GPHN: variants seen among roughly 807,000 people sequenced by gnomAD.
The protein encoded by GPHN is gephyrin.
Under a neutral mutation model 95.5 loss-of-function variants are expected in GPHN, and 17 were observed. The ratio of observed to expected loss-of-function variants is 0.18; its 90% CI spans 0.12 to 0.27. The LOEUF (loss-of-function observed/expected upper bound fraction) is 0.27. Among genes scored for constraint, GPHN ranks in the 10% least tolerant of loss-of-function variants. The pLI is 1.00. For synonymous variants in GPHN, 320 were observed against 322.5 expected, an observed-to-expected ratio of 0.99 and a Z score of 0.08; for missense variants, 660 against 978.1, an observed-to-expected ratio of 0.67 and a Z score of 4.34.
intron 2 of GPHN, among the ~76,000 whole-genome samples, chr14:66,740,173 T>C (rs1479833301): frequency 2.0e-5 from 3 of 152,138 alleles, no homozygotes; most frequent in African/African-American, 7.2e-5. Flanking sequence ...GTCTAAAATA[T>C]AATCAAATAT....
rs369131921 is a variant in GPHN, at chr14:67,112,211, A to G, written c.1472+292A>G. On this transcript the variant is annotated intron_variant, in intron 15 of 22. Transcript: ENST00000478722. ...CTTCTAGATAATCCAGAATTACCCA[A>G]TCCCATCCCTAAATAATCTGGAATT... Among the ~76,000 whole-genome samples the G allele has an allele frequency of 6.6e-4, 101 of 152,314 alleles. 1 individual carries two copies. The highest frequency in any genetic ancestry group is 6.6e-3 in the East Asian group (34 of 5,178).
the GPHN span, among the ~76,000 whole-genome samples, chr14:67,452,350 G>C: frequency 2.0e-5 from 3 of 150,898 alleles, no homozygotes; most frequent in Non-Finnish European, 4.4e-5. Context: ...AAAGAAATGA[G>C]AGTTTCTCTG....
At chr14:67,168,513 A>G (rs2082411539) in intron 20 of GPHN, among the ~76,000 whole-genome samples, 1 of 152,138 alleles carries the variant, frequency 6.6e-6, no homozygotes, top group East Asian at 1.9e-4. Context: ...ATGCTTATCT[A>G]TGTTTTCTCA....
the GPHN span, chr14:67,656,482 C>A: frequency 2.4e-5 from 38 of 1,613,652 alleles, no homozygotes; most frequent in Middle Eastern, 1.6e-4. Context: ...CTGAGCCAAT[C>A]TGGTCAGTCT....
At chr14:66,606,358 T>C (rs1326568526) in intron 1 of GPHN, among the ~76,000 whole-genome samples, 1 of 152,158 alleles carries the variant, frequency 6.6e-6, no homozygotes, top group Non-Finnish European at 1.5e-5. Flanking sequence ...TATGTGTCTG[T>C]TTTTGTACCA....
intron 2 of GPHN, among the ~76,000 whole-genome samples, chr14:66,687,048 T>G (rs574554398): frequency 6.6e-6 from 1 of 152,288 alleles, no homozygotes; most frequent in South Asian, 2.1e-4. Flanking sequence ...TATGCTGGAT[T>G]ACGTTTATTG....
chr14:67,198,000 T>G, the GPHN span: 1 of 737,206 alleles, frequency 1.4e-6, no homozygotes, highest in Non-Finnish European at 2.2e-6. Context: ...ATGTATGTAT[T>G]AATACAAGTG....
intron 4 of GPHN, among the ~76,000 whole-genome samples, chr14:66,829,418 T>C (rs967447414): frequency 1.3e-5 from 2 of 151,946 alleles, no homozygotes; most frequent in African/African-American, 4.8e-5. Flanking sequence ...CCGATAAAGG[T>C]TGGATAATTC....
the GPHN span, among the ~76,000 whole-genome samples, chr14:67,396,592 C>A: frequency 1.3e-5 from 2 of 152,232 alleles, no homozygotes; most frequent in Non-Finnish European, 2.9e-5. Context: ...TCCCCAGAAG[C>A]CACACCCACC....
chr14:67,063,364 G>A (rs903800022), intron 11 of GPHN, among the ~76,000 whole-genome samples: 4 of 152,152 alleles, frequency 2.6e-5, no homozygotes, highest in Admixed American at 2.6e-4. Flanking sequence ...GTCTGGTAGT[G>A]TGATGCTTCC....
At chr14:67,450,487 T>C in the GPHN span, among the ~76,000 whole-genome samples, 1 of 152,154 alleles carries the variant, frequency 6.6e-6, no homozygotes, top group Admixed American at 6.5e-5. Flanking sequence ...ATATGGACAA[T>C]AAAGTCAGGC....
chr14:67,651,425 A>C, the GPHN span: 1 of 1,614,050 alleles, frequency 6.2e-7, no homozygotes, highest in Non-Finnish European at 8.5e-7. Flanking sequence ...CAGGCCTCCC[A>C]GGATGGCGAG....
At chr14:66,524,958 T>C (rs1238198162) in intron 1 of GPHN, among the ~76,000 whole-genome samples, 1 of 152,184 alleles carries the variant, frequency 6.6e-6, no homozygotes, top group African/African-American at 2.4e-5. Flanking sequence ...GCAGTAAACA[T>C]ACCTGTGCAT....
the GPHN span, among the ~76,000 whole-genome samples, chr14:67,268,318 G>A: frequency 6.6e-6 from 1 of 152,124 alleles, no homozygotes; most frequent in East Asian, 1.9e-4. Flanking sequence ...ACTCTCATAC[G>A]ATCGAATTCA....
chr14:67,712,267 C>A, the GPHN span, among the ~76,000 whole-genome samples: 1 of 152,118 alleles, frequency 6.6e-6, no homozygotes, highest in East Asian at 1.9e-4. Context: ...GGGAGGAGCC[C>A]ACACTGAATC....
the GPHN span, among the ~76,000 whole-genome samples, chr14:67,242,221 C>T: frequency 6.6e-6 from 1 of 152,148 alleles, no homozygotes; most frequent in South Asian, 2.1e-4. Flanking sequence ...GATTGACATA[C>T]AGTAATGTGT....
chr14:66,612,278 T>G (rs1475721862), intron 1 of GPHN, among the ~76,000 whole-genome samples: 6 of 152,028 alleles, frequency 3.9e-5, no homozygotes, highest in Non-Finnish European at 8.8e-5. Flanking sequence ...TAACTTCTTT[T>G]TAATTTTTTT....
the GPHN span, among the ~76,000 whole-genome samples, chr14:67,632,585 A>G: frequency 1.3e-5 from 2 of 152,234 alleles, no homozygotes; most frequent in East Asian, 3.9e-4. Flanking sequence ...ACCCTTCTGT[A>G]GGAACTGAGA....
At chr14:66,618,365 A>T (rs1474895811) in intron 1 of GPHN, among the ~76,000 whole-genome samples, 1 of 152,158 alleles carries the variant, frequency 6.6e-6, no homozygotes, top group South Asian at 2.1e-4. Flanking sequence ...GGTGTGAGCT[A>T]CTGCGCCCGG....
Sources: allele counts gnomAD v4.1 joint callset (sites outside exome capture counted in the v4.1 genomes callset), GRCh38; gene constraint gnomAD v4.1.1; transcripts MANE v1.5; gene names NCBI Gene and HGNC (gene_info 2026-07-23, HGNC 2026-07-21).